ADAMTS20: variants seen among roughly 807,000 people sequenced by gnomAD.
ADAMTS20 encodes the protein A disintegrin and metalloproteinase with thrombospondin motifs 20.
Under a neutral mutation model 260.1 loss-of-function variants are expected in ADAMTS20, and 225 were observed. The ratio of observed to expected loss-of-function variants is 0.87; its 90% CI spans 0.78 to 0.97. The LOEUF (loss-of-function observed/expected upper bound fraction) is 0.97, where lower values mean the gene tolerates loss of function less well. Ranked by LOEUF, ADAMTS20 falls within the 50% of genes least tolerant of loss-of-function variation. The probability of loss-of-function intolerance (pLI) is 0.00; values close to 1 mark genes in which losing one functional copy is unlikely to be tolerated. For synonymous variants in ADAMTS20, 802 were observed against 769.5 expected, an observed-to-expected ratio of 1.04 and a Z score of -0.70; for missense variants, 2,400 against 2,337.7, an observed-to-expected ratio of 1.03 and a Z score of -0.55.
intron 21 of ADAMTS20, among the ~76,000 whole-genome samples, chr12:43,431,811 G>A (rs1455252098): frequency 6.6e-6 from 1 of 151,896 alleles, no homozygotes; most frequent in East Asian, 1.9e-4. Context: ...ATATCAGTTA[G>A]TGTTATTACT....
intron 28 of ADAMTS20, among the ~76,000 whole-genome samples, chr12:43,411,025 A>C (rs538321171): frequency 1.2e-4 from 18 of 152,356 alleles, no homozygotes; most frequent in African/African-American, 4.1e-4. Context: ...TATGATAAAA[A>C]GAGAGGGAAA....
In ADAMTS20 at chr12:43,446,581, A is replaced by G; in HGVS notation, c.2197+14T>C. 6.2e-7 allele frequency: 1 copy of G among 1,600,386 alleles called. No individual in the cohort carries two copies. Among genetic ancestry groups the G allele is most frequent in the East Asian group, 2.2e-5 (1 of 44,766 alleles). ...TAAATAAAAGCGAAATCTAGAAACA[A>G]ATACACAACTTACCATAATGAGAAC... On this transcript the variant is annotated intron_variant, in intron 15 of 38. Coordinates refer to ENST00000389420, the MANE Select transcript of ADAMTS20 (RefSeq NM_025003.5).
chr12:43,437,706 A>G (rs147124996), intron 18 of ADAMTS20, among the ~76,000 whole-genome samples: 103 of 152,338 alleles, frequency 6.8e-4, no homozygotes, highest in African/African-American at 2.5e-3. Context: ...ACTGAGGGAT[A>G]TGTTCCACCC....
At chr12:43,403,467 C>A (rs1291291657) in intron 28 of ADAMTS20, among the ~76,000 whole-genome samples, 1 of 151,998 alleles carries the variant, frequency 6.6e-6, no homozygotes. Flanking sequence ...CATACAGGTA[C>A]TGGTTAGAAT....
intron 2 of ADAMTS20, among the ~76,000 whole-genome samples, chr12:43,541,287 A>C (rs1943373241): frequency 6.6e-6 from 1 of 152,188 alleles, no homozygotes; most frequent in African/African-American, 2.4e-5. Context: ...GTTTGTACTC[A>C]TAGACTCTTA....
At chr12:43,504,175 C>T (rs986657183) in intron 3 of ADAMTS20, among the ~76,000 whole-genome samples, 1 of 152,152 alleles carries the variant, frequency 6.6e-6, no homozygotes, top group Non-Finnish European at 1.5e-5. Context: ...ACACTCCCAC[C>T]AGCAGTGTGT....
At chr12:43,492,383 AAAAAAAG>A (rs2137430488) in intron 6 of ADAMTS20, 115 bp downstream of exon 6, 46 of 1,265,948 alleles carry the variant, frequency 3.6e-5, no homozygotes, top group Non-Finnish European at 4.6e-5. Context: ...CTGTCTCAAA[AAAAAAAG>A]AAAAAGAAAA....
At chr12:43,402,548 A>G (rs1342402813) in intron 28 of ADAMTS20, among the ~76,000 whole-genome samples, 2 of 152,026 alleles carry the variant, frequency 1.3e-5, no homozygotes, top group African/African-American at 4.8e-5. Context: ...TGTTATGCAA[A>G]CAGTTATGTT....
At chr12:43,539,617 T>C (rs1943347981) in intron 2 of ADAMTS20, among the ~76,000 whole-genome samples, 1 of 152,162 alleles carries the variant, frequency 6.6e-6, no homozygotes, top group Non-Finnish European at 1.5e-5. Flanking sequence ...ACTCTAGCAT[T>C]CTCTGCCTTC....
chr12:43,493,268 A>C lies in ADAMTS20; in HGVS notation c.868-15T>G, dbSNP rs1223644455. On this transcript the variant is annotated splice_polypyrimidine_tract_variant and intron_variant, in intron 4 of 38. Transcript: ENST00000389420. ...ATTGTTGCAACCTGCATGTAAAAAA[A>C]ATGTAGGATTAGTTGTTTAAAATGA... The C allele has an allele frequency of 5.3e-6, 8 of 1,504,806 alleles. No homozygotes were observed. Among genetic ancestry groups the C allele is most frequent in the Non-Finnish European group, 7.2e-6 (8 of 1,110,732 alleles). 93.2% of individuals were successfully genotyped at this position (1,504,806 alleles called of 1,614,324 possible).
At position 43,551,131 on chromosome 12, in the gene ADAMTS20, T is replaced by A. The variant is rs1009551632; in HGVS notation, c.231A>T (p.Arg77=). 2.5e-6 allele frequency: 4 copies of A among 1,613,794 alleles called. No homozygotes were observed. Among genetic ancestry groups the A allele is most frequent in the Admixed American group, 1.7e-5 (1 of 60,006 alleles). The part of the protein sequence containing the change: ...SSEALEPMPF[R]THYRFTAYGQ... ...CGTAGGCAGTGAAGCGATAGTGGGT[T>A]CGGAACGGCATGGGTTCCAGCGCCT... The change falls in exon 2 of 39, where the codon CGA becomes CGT. Residue 77 remains arginine (R), a synonymous_variant. Transcript: ENST00000389420. This position sits in a 1 kb window ranked among gnomAD's most constrained non-coding sequence, Gnocchi z 4.6.
chr12:43,507,610 G>A (rs1942865204), intron 3 of ADAMTS20, among the ~76,000 whole-genome samples: 1 of 152,120 alleles, frequency 6.6e-6, no homozygotes, highest in Admixed American at 6.5e-5. Flanking sequence ...ACAATAATAA[G>A]TAAAAAACAA....
intron 32 of ADAMTS20, 69 bp downstream of exon 32, chr12:43,377,296 A>T: frequency 2.9e-6 from 4 of 1,399,402 alleles, no homozygotes; most frequent in Non-Finnish European, 3.8e-6. Context: ...ACATACAAAC[A>T]GATTACCAGA....
At chr12:43,501,055 C>CTTTTTTTTTTTTTTTTTTTTTTT (rs79075751) in intron 4 of ADAMTS20, among the ~76,000 whole-genome samples, 1 of 104,882 alleles carries the variant, frequency 9.5e-6, no homozygotes, top group African/African-American at 3.5e-5. Context: ...CTATGTAATT[C>CTTTTTTTTTTTTTTTTTTTTTTT]TTTTTTTTTT....
At chr12:43,430,317 A>C in intron 23 of ADAMTS20, 35 bp downstream of exon 23, 2 of 1,589,964 alleles carry the variant, frequency 1.3e-6, no homozygotes, top group Non-Finnish European at 1.7e-6. Flanking sequence ...TCTGTCTCAT[A>C]AATCTTTTTG....
chr12:43,549,968 G>T (rs1019126361), intron 2 of ADAMTS20, among the ~76,000 whole-genome samples: 2 of 152,166 alleles, frequency 1.3e-5, no homozygotes, highest in African/African-American at 2.4e-5. Context: ...TTTTGTAAAA[G>T]TATGTATCTG....
At chr12:43,399,982 T>C (rs1009765953) in intron 28 of ADAMTS20, among the ~76,000 whole-genome samples, 9 of 152,092 alleles carry the variant, frequency 5.9e-5, no homozygotes, top group African/African-American at 1.9e-4. Context: ...GCACATTTCA[T>C]AACCTGTCCA....
chr12:43,412,802 ATTTTTTTTTTTT>A (rs139458463), intron 28 of ADAMTS20, among the ~76,000 whole-genome samples: 1 of 84,274 alleles, frequency 1.2e-5, no homozygotes, highest in African/African-American at 5.2e-5. Context: ...ATAGGAAATA[ATTTTTTTTTTTT>A]TTTTTTTTTT....
intron 3 of ADAMTS20, among the ~76,000 whole-genome samples, chr12:43,518,063 G>T (rs947448748): frequency 6.6e-6 from 1 of 151,696 alleles, no homozygotes; most frequent in Non-Finnish European, 1.5e-5. Flanking sequence ...TTTCAAAAAG[G>T]CATTTAATTT....
Sources: gnomAD v4.1 joint callset for allele counts (sites outside exome capture counted in the v4.1 genomes callset) on GRCh38, gnomAD v4.1.1 for gene constraint, Gnocchi (gnomAD v3.1) non-coding constraint, MANE v1.5 for transcripts, NCBI Gene and HGNC (gene_info 2026-07-23, HGNC 2026-07-21) for gene names.